The following ANK3 variants were observed in gnomAD, a reference collection of about 807,000 sequenced individuals.
ANK3 encodes the protein ankyrin 3, also known as ankyrin-3.
A neutral mutation model predicts 370.9 loss-of-function variants in ANK3; 57 were observed. The ratio of observed to expected loss-of-function variants is 0.15; its 90% confidence interval spans 0.12 to 0.19. ANK3 has a LOEUF of 0.19. Ranked by LOEUF, ANK3 falls within the 10% of genes least tolerant of loss-of-function variation. The pLI is 1.00. For missense variants in ANK3, 4,439 were observed against 5,302.1 expected (o/e 0.84, Z 5.06); for synonymous variants, 1,929 against 1,946.3 (o/e 0.99, Z 0.23).
At chr10:60,134,494 C>A in intron 24 of ANK3, 121 bp from the exon 25 acceptor site, 1 of 646,024 alleles carries the variant, frequency 1.5e-6, no homozygotes, top group South Asian at 2.4e-5. Flanking sequence ...AAAAGTTGTT[C>A]TTGAAAGGAC....
At chr10:60,656,161 T>C (rs1020361883) in intron 1 of ANK3, among the ~76,000 whole-genome samples, 1 of 152,210 alleles carries the variant, frequency 6.6e-6, no homozygotes, top group Non-Finnish European at 1.5e-5. Flanking sequence ...GGAAAGGTTT[T>C]TACGACAAAC....
intron 2 of ANK3, among the ~76,000 whole-genome samples, chr10:60,397,713 G>A (rs1190956032): frequency 6.6e-6 from 1 of 152,128 alleles, no homozygotes; most frequent in Non-Finnish European, 1.5e-5. Flanking sequence ...CATGTTATAT[G>A]TTCCACAACT....
intron 31 of ANK3, 79 bp downstream of exon 31, chr10:60,085,078 T>C (rs1297249636): frequency 6.6e-6 from 8 of 1,213,084 alleles, no homozygotes; most frequent in Non-Finnish European, 9.2e-6. Context: ...TTTTTAGTAT[T>C]GAACACAACA....
chr10:60,131,774 G>A (rs932889420), intron 25 of ANK3, among the ~76,000 whole-genome samples: 10 of 152,146 alleles, frequency 6.6e-5, no homozygotes, highest in African/African-American at 9.7e-5. Context: ...TGGTAATAGT[G>A]GTGGTGGTAG....
intron 38 of ANK3, among the ~76,000 whole-genome samples, chr10:60,064,960 G>C (rs922596268): frequency 6.6e-6 from 1 of 152,172 alleles, no homozygotes; most frequent in Non-Finnish European, 1.5e-5. Flanking sequence ...TACAAGATAC[G>C]TAGAGGTATA....
intron 28 of ANK3, among the ~76,000 whole-genome samples, chr10:60,092,018 C>T (rs940990057): frequency 6.6e-6 from 1 of 152,090 alleles, no homozygotes; most frequent in East Asian, 1.9e-4. Flanking sequence ...CGTGAGCCAC[C>T]GCGCCAGGCT....
At chr10:60,088,582 T>C (rs951178187) in intron 28 of ANK3, among the ~76,000 whole-genome samples, 4 of 152,106 alleles carry the variant, frequency 2.6e-5, no homozygotes, top group African/African-American at 9.7e-5. Flanking sequence ...TGCACCTCCA[T>C]GCCCAGCTAA....
rs540328077 is a variant in ANK3, at chr10:60,548,526, A to G, written c.96+66660T>C. 4.6e-5 allele frequency among the ~76,000 whole-genome samples: 7 copies of G among 152,256 alleles called. No individual in the cohort carries two copies. In the East Asian group the frequency reaches 1.2e-3, roughly 25 times the overall value. ...TGGCCTCCCAAAGTGTTGGGATAAC[A>G]GGCATGAGCCACTGCACCCGTCCAT... On this transcript the variant is annotated intron_variant, in intron 2 of 43. Transcript: ENST00000373827.
At chr10:60,043,500 T>TTGAC (rs1455725715) in intron 42 of ANK3, 44 of 985,060 alleles carry the variant, frequency 4.5e-5, no homozygotes, top group Non-Finnish European at 5.3e-5. Flanking sequence ...GAGAAAGGGG[T>TTGAC]TGACTGGAGG....
intron 1 of ANK3, among the ~76,000 whole-genome samples, chr10:60,354,672 C>G (rs1223572871): frequency 6.6e-6 from 1 of 152,126 alleles, no homozygotes; most frequent in Non-Finnish European, 1.5e-5. Flanking sequence ...AGCTCTTGCC[C>G]CAGTTCTTCC....
intron 2 of ANK3, among the ~76,000 whole-genome samples, chr10:60,590,050 T>C (rs949527734): frequency 6.6e-6 from 1 of 152,218 alleles, no homozygotes; most frequent in African/African-American, 2.4e-5. Flanking sequence ...AAATACACTT[T>C]AGACAAGTTT....
chr10:60,045,453 C>G (rs2076795642), intron 42 of ANK3, among the ~76,000 whole-genome samples: 1 of 152,180 alleles, frequency 6.6e-6, no homozygotes, highest in Admixed American at 6.5e-5. Context: ...ACACGACAAA[C>G]TACTCAGCAG....
intron 25 of ANK3, among the ~76,000 whole-genome samples, chr10:60,130,081 G>A (rs1427477505): frequency 6.6e-6 from 1 of 152,136 alleles, no homozygotes; most frequent in Non-Finnish European, 1.5e-5. Flanking sequence ...TAAAGGGAAG[G>A]TAAAAGAATA....
intron 2 of ANK3, among the ~76,000 whole-genome samples, chr10:60,458,172 T>G (rs1014260480): frequency 2.6e-5 from 4 of 152,110 alleles, no homozygotes; most frequent in Middle Eastern, 6.3e-3. Context: ...AATCTCTGAC[T>G]CGGCATCCTG....
At chr10:60,050,406 T>C (rs1190866408) in intron 42 of ANK3, among the ~76,000 whole-genome samples, 3 of 152,196 alleles carry the variant, frequency 2.0e-5, no homozygotes, top group Admixed American at 2.0e-4. Context: ...GTGGAGTTTC[T>C]TCATGAAAAG....
intron 2 of ANK3, among the ~76,000 whole-genome samples, chr10:60,464,242 A>G (rs4456214): frequency 3.9e-4 from 60 of 152,332 alleles, no homozygotes; most frequent in East Asian, 2.5e-3. Context: ...TTTATTCAGG[A>G]AAGAAAAATT....
At chr10:60,719,220 C>T (rs1385907777) in intron 1 of ANK3, among the ~76,000 whole-genome samples, 3 of 152,052 alleles carry the variant, frequency 2.0e-5, no homozygotes, top group Non-Finnish European at 4.4e-5. Flanking sequence ...AATGAAGAAA[C>T]CATAAATATA....
intron 2 of ANK3, among the ~76,000 whole-genome samples, chr10:60,438,038 A>T (rs933752717): frequency 2.6e-5 from 4 of 152,180 alleles, no homozygotes; most frequent in African/African-American, 9.7e-5. Context: ...TGAAGTGTCC[A>T]TTAAAGCTGA....
chr10:60,425,115 A>C (rs1399634945), intron 2 of ANK3, among the ~76,000 whole-genome samples: 1 of 152,008 alleles, frequency 6.6e-6, no homozygotes, highest in Non-Finnish European at 1.5e-5. Context: ...GTAGAGAGTG[A>C]CAAAAAGGGA....
Sources: gnomAD v4.1 joint callset for allele counts (sites outside exome capture counted in the v4.1 genomes callset) on GRCh38, gnomAD v4.1.1 for gene constraint, MANE v1.5 for transcripts, NCBI Gene and HGNC (gene_info 2026-07-23, HGNC 2026-07-21) for gene names.